THSD7A: variants seen among roughly 807,000 people sequenced by gnomAD.
THSD7A encodes the protein thrombospondin type 1 domain containing 7A, also known as thrombospondin type-1 domain-containing protein 7A.
Under a neutral mutation model 231.3 loss-of-function variants are expected in THSD7A, and 96 were observed. The ratio of observed to expected loss-of-function variants is 0.41; its 90% CI spans 0.35 to 0.49. The LOEUF (loss-of-function observed/expected upper bound fraction) is 0.49, where lower values mean the gene tolerates loss of function less well. Ranked by LOEUF, THSD7A falls within the 20% of genes least tolerant of loss-of-function variation. The pLI is 0.05. For synonymous variants in THSD7A, 940 were observed against 743.3 expected (o/e 1.26, Z -4.30); for missense variants, 2,290 against 2,070.2 (o/e 1.11, Z -2.06).
At chr7:11,522,423 C>T (rs2128316687) in intron 6 of THSD7A, among the ~76,000 whole-genome samples, 1 of 152,270 alleles carries the variant, frequency 6.6e-6, no homozygotes, top group South Asian at 2.1e-4. Context: ...TTATCTTTCA[C>T]ATACTTTCAT....
At chr7:11,691,640 GT>G (rs1450675967) in intron 1 of THSD7A, among the ~76,000 whole-genome samples, 1 of 151,068 alleles carries the variant, frequency 6.6e-6, no homozygotes, top group African/African-American at 2.4e-5. Context: ...CATCTACAAT[GT>G]TATGATTTTC....
At chr7:11,527,837 A>G (rs1184843989) in intron 6 of THSD7A, among the ~76,000 whole-genome samples, 2 of 152,174 alleles carry the variant, frequency 1.3e-5, no homozygotes, top group Non-Finnish European at 1.5e-5. Context: ...ACTGGTTTAA[A>G]TAATGGCTTT....
rs1005412007 is a variant in THSD7A, at chr7:11,614,707, A to AT, written c.1023-21206dup. Among the ~76,000 whole-genome samples the AT allele has an allele frequency of 2.0e-4, 31 of 151,722 alleles. No homozygotes were observed. In the South Asian group the frequency reaches 2.3e-3, roughly 11 times the overall value. ...CTGTGCTAGCTTGTCTTGTTCTAGT[A>AT]TTTTTTTTTATTAATTACATTATTT... is the stretch of plus-strand genomic sequence containing the variant. On this transcript the variant is annotated intron_variant, in intron 2 of 27. Transcript: ENST00000423059.
intron 11 of THSD7A, among the ~76,000 whole-genome samples, chr7:11,454,104 TTAAAA>T (rs1381926358): frequency 3.9e-5 from 6 of 151,990 alleles, no homozygotes; most frequent in Non-Finnish European, 7.4e-5. Context: ...CACTTCAAAG[TTAAAA>T]TGAAATATGG....
chr7:11,568,069 GTTA>G (rs1790441537), intron 4 of THSD7A, among the ~76,000 whole-genome samples: 1 of 151,850 alleles, frequency 6.6e-6, no homozygotes, highest in South Asian at 2.1e-4. Context: ...TTTTCCTATC[GTTA>G]TTCTTTCGTG....
At chr7:11,624,168 G>C (rs901330171) in intron 2 of THSD7A, among the ~76,000 whole-genome samples, 1 of 151,932 alleles carries the variant, frequency 6.6e-6, no homozygotes, top group Non-Finnish European at 1.5e-5. Flanking sequence ...TTGTCTATGT[G>C]GTCTCAATGC....
intron 4 of THSD7A, among the ~76,000 whole-genome samples, chr7:11,571,664 T>G (rs1046611179): frequency 3.9e-5 from 6 of 152,258 alleles, no homozygotes; most frequent in Non-Finnish European, 7.3e-5. Flanking sequence ...CCGTTTGTCA[T>G]GCTCACTTTT....
chr7:11,455,058 C>T (rs1186698864), intron 11 of THSD7A, among the ~76,000 whole-genome samples: 1 of 151,946 alleles, frequency 6.6e-6, no homozygotes, highest in Non-Finnish European at 1.5e-5. Flanking sequence ...GGGATTAATG[C>T]CCTTCTCAGA....
chr7:11,628,420 A>G (rs940468960), intron 2 of THSD7A, among the ~76,000 whole-genome samples: 3 of 152,134 alleles, frequency 2.0e-5, no homozygotes, highest in African/African-American at 4.8e-5. Flanking sequence ...TTCTTTGGCC[A>G]TCTCCATCCT....
In THSD7A at chr7:11,636,069, C is replaced by T; in HGVS notation, c.1022+61G>A. ...GAAGTTATTAGATAGTACCGGATAT[C>T]TTAGGTACTCATGATTCTTGACAGA... On this transcript the variant is annotated intron_variant, in intron 2 of 27. Transcript: ENST00000423059. The surrounding 1 kb of genome is among the most constrained non-coding windows in gnomAD (Gnocchi z 10.0). The T allele has an allele frequency of 2.8e-6, 4 of 1,434,884 alleles. No individual in the cohort carries two copies. The highest frequency in any genetic ancestry group is 3.8e-6 in the Non-Finnish European group (4 of 1,045,958). 88.9% of individuals were successfully genotyped at this position (1,434,884 alleles called of 1,614,324 possible). A position where few individuals can be genotyped will look rare whatever the true frequency, so the allele number is the denominator to read the frequency against.
chr7:11,602,712 G>C (rs929333959), intron 2 of THSD7A, among the ~76,000 whole-genome samples: 1 of 151,942 alleles, frequency 6.6e-6, no homozygotes, highest in East Asian at 2.0e-4. Flanking sequence ...TGTAAGTCTA[G>C]AATAAGACCT....
At chr7:11,434,427 TACAC>T (rs2128291381) in intron 13 of THSD7A, among the ~76,000 whole-genome samples, 1 of 152,216 alleles carries the variant, frequency 6.6e-6, no homozygotes, top group African/African-American at 2.4e-5. Flanking sequence ...GCCTTTGAGA[TACAC>T]ACAATCACTC....
At chr7:11,772,213 A>C (rs199699837) in intron 1 of THSD7A, among the ~76,000 whole-genome samples, 3 of 151,960 alleles carry the variant, frequency 2.0e-5, no homozygotes, top group East Asian at 1.9e-4. Context: ...TAAAACAAAA[A>C]AAAACAAAAC....
At chr7:11,552,996 C>T (rs1789695762) in intron 4 of THSD7A, among the ~76,000 whole-genome samples, 1 of 152,072 alleles carries the variant, frequency 6.6e-6, no homozygotes, top group African/African-American at 2.4e-5. Context: ...AGATGTTTCT[C>T]TTTCTCTTCT....
At chr7:11,703,141 T>G (rs1047085088) in intron 1 of THSD7A, among the ~76,000 whole-genome samples, 1 of 151,242 alleles carries the variant, frequency 6.6e-6, no homozygotes, top group Non-Finnish European at 1.5e-5. Flanking sequence ...AGTTTCAGCC[T>G]TCTCGAGTGA....
At chr7:11,402,051 G>C in intron 22 of THSD7A, 83 bp from the exon 23 acceptor site, 1 of 1,177,920 alleles carries the variant, frequency 8.5e-7, no homozygotes, top group Non-Finnish European at 1.2e-6. Flanking sequence ...AACCCCAGTA[G>C]GCAATGTTTC....
chr7:11,826,241 A>T (rs575477612), intron 1 of THSD7A, among the ~76,000 whole-genome samples: 2 of 152,206 alleles, frequency 1.3e-5, no homozygotes, highest in Non-Finnish European at 2.9e-5. Flanking sequence ...GAGAAAATGC[A>T]TACCTGTAAA....
rs558897643 is a variant in THSD7A at position 11,739,672 on chromosome 7, C to T, written c.190+92085G>A. On this transcript the variant is annotated intron_variant, in intron 1 of 27. Coordinates refer to ENST00000423059, the MANE Select transcript of THSD7A (RefSeq NM_015204.3). ...GTCTCAAGCAATCCTCTCACCCTGG[C>T]CCCCAAAGTGATGAGATTATAGATA... Among the ~76,000 whole-genome samples the T allele has an allele frequency of 4.0e-4, 60 of 151,882 alleles. 2 individuals are homozygous for T. The South Asian group carries it at 0.012, about 29-fold the overall frequency.
intron 4 of THSD7A, among the ~76,000 whole-genome samples, chr7:11,566,970 G>GC (rs112215193): frequency 1.8e-5 from 2 of 110,936 alleles, no homozygotes; most frequent in Non-Finnish European, 3.8e-5. Flanking sequence ...GAGAGTGGGG[G>GC]GGGGACTGAC....
Sources: allele counts gnomAD v4.1 joint callset (sites outside exome capture counted in the v4.1 genomes callset), GRCh38; gene constraint gnomAD v4.1.1; non-coding constraint Gnocchi (gnomAD v3.1); transcripts MANE v1.5; gene names NCBI Gene and HGNC (gene_info 2026-07-23, HGNC 2026-07-21).